The following C1GALT1 variants were observed in gnomAD, a reference collection of about 807,000 sequenced individuals.
C1GALT1 encodes glycoprotein-N-acetylgalactosamine 3-beta-galactosyltransferase 1.
In C1GALT1, 11 loss-of-function variants were observed where a neutral mutation model predicts 31.0. The observed-to-expected ratio is 0.36, with a 90% CI of 0.22 to 0.59. The LOEUF is 0.59. Ranked by LOEUF, C1GALT1 falls within the 20% of genes least tolerant of loss-of-function variation. The probability of loss-of-function intolerance (pLI) is 0.79; values close to 1 mark genes in which losing one functional copy is unlikely to be tolerated. For synonymous variants in C1GALT1, 175 were observed against 143.6 expected (o/e 1.22, Z -1.56); for missense variants, 424 against 425.2 (o/e 1.00, Z 0.03).
At chr7:7,234,628 G>C in intron 2 of C1GALT1, 89 bp downstream of exon 2, 2 of 893,360 alleles carry the variant, frequency 2.2e-6, no homozygotes, top group Non-Finnish European at 3.4e-6. Flanking sequence ...AATTAAAATG[G>C]GCTATATATT....
chr7:7,233,799 G>GT lies in C1GALT1; in HGVS notation c.-17-497dup, dbSNP rs760792626. Among the ~76,000 whole-genome samples, 15 of 152,188 alleles carry GT rather than the reference G, an allele frequency of 9.9e-5. No individual in the cohort carries two copies. In the South Asian group the frequency reaches 2.5e-3, roughly 25 times the overall value. ...CCCTAGTCCTCCACAAGCTACAAGT[G>GT]TTTTTTTACGTTTATAAAGGATTGT... On this transcript the variant is annotated intron_variant, in intron 1 of 3. Transcript: ENST00000436587.
intron 3 of C1GALT1, 137 bp downstream of exon 3, chr7:7,239,059 T>A: frequency 1.4e-6 from 1 of 693,050 alleles, no homozygotes; most frequent in Non-Finnish European, 2.4e-6. Context: ...AGAGTGGCAG[T>A]ATAACAAAAT....
Position 7,237,131 on chromosome 7 carries a change from T to C in C1GALT1, c.221-1124T>C, listed in dbSNP as rs1583833763. Among the ~76,000 whole-genome samples the C allele has an allele frequency of 2.0e-5, 3 of 152,206 alleles. No individual in the cohort carries two copies. In the South Asian group the frequency reaches 6.2e-4, roughly 32 times the overall value. On this transcript the variant is annotated intron_variant, in intron 2 of 3. Coordinates refer to ENST00000436587, the MANE Select transcript of C1GALT1 (RefSeq NM_020156.5). ...AAGCTAAAAATAAAAATTTAGGACT[T>C]GTTTTATATTTTAGTTTTATTTTTC...
chr7:7,234,505 A>G lies in C1GALT1; in HGVS notation c.186A>G (p.Gln62=). The G allele has an allele frequency of 6.2e-7, 1 of 1,612,720 alleles. No homozygotes were observed. Among genetic ancestry groups the G allele is most frequent in the Non-Finnish European group, 8.5e-7 (1 of 1,178,804 alleles). Residue 62 remains glutamine (Q), a synonymous_variant, in exon 2 of 4, where the codon CAA becomes CAG. Transcript: ENST00000436587. The part of the protein sequence containing the change: ...DDNGQNHLEG[Q]MNFNADSSQH... ...ATGGACAGAATCATCTAGAAGGACA[A>G]ATGAACTTCAATGCAGATTCTAGCC...
At chr7:7,186,192 T>C (rs1285405757) in intron 1 of C1GALT1, among the ~76,000 whole-genome samples, 3 of 152,126 alleles carry the variant, frequency 2.0e-5, no homozygotes, top group African/African-American at 7.2e-5. Context: ...TCCTTTCCCA[T>C]GATAACCCAT....
intron 2 of C1GALT1, among the ~76,000 whole-genome samples, chr7:7,171,858 ATAC>A (rs1196511166): frequency 8.5e-5 from 13 of 152,310 alleles, no homozygotes; most frequent in African/African-American, 3.1e-4. Flanking sequence ...TTTAAAAACT[ATAC>A]TACTATACAT....
intron 1 of C1GALT1, among the ~76,000 whole-genome samples, chr7:7,191,516 A>G (rs1467599765): frequency 6.6e-6 from 1 of 152,166 alleles, no homozygotes; most frequent in Non-Finnish European, 1.5e-5. Context: ...GCTGGATCAT[A>G]TGGTAATTCT....
intron 1 of C1GALT1, among the ~76,000 whole-genome samples, chr7:7,226,074 A>G (rs1382947370): frequency 6.6e-6 from 1 of 152,192 alleles, no homozygotes; most frequent in African/African-American, 2.4e-5. Context: ...GGATACTGCT[A>G]TCGAGTTTTC....
chr7:7,242,415 A>C (rs1783674141), intron 3 of C1GALT1, among the ~76,000 whole-genome samples: 1 of 152,076 alleles, frequency 6.6e-6, no homozygotes, highest in African/African-American at 2.4e-5. Flanking sequence ...GTTTAGAGAT[A>C]ACAGCAGAGA....
At chr7:7,212,315 A>G (rs1486919338) in intron 1 of C1GALT1, among the ~76,000 whole-genome samples, 1 of 152,072 alleles carries the variant, frequency 6.6e-6, no homozygotes, top group East Asian at 1.9e-4. Flanking sequence ...GGGGCTTTTT[A>G]TTGGCTCTGC....
intron 1 of C1GALT1, among the ~76,000 whole-genome samples, chr7:7,184,005 C>T (rs986459257): frequency 3.9e-5 from 6 of 152,104 alleles, no homozygotes; most frequent in African/African-American, 1.4e-4. Flanking sequence ...TTGCTTCATT[C>T]TGGTGTGAGT....
At chr7:7,212,370 A>T (rs978627489) in intron 1 of C1GALT1, among the ~76,000 whole-genome samples, 4 of 152,196 alleles carry the variant, frequency 2.6e-5, no homozygotes, top group South Asian at 2.1e-4. Context: ...CTTTCAGTCA[A>T]AGCCTTGGTA....
intron 1 of C1GALT1, among the ~76,000 whole-genome samples, chr7:7,221,998 A>G (rs1393917794): frequency 6.6e-6 from 1 of 152,162 alleles, no homozygotes; most frequent in Admixed American, 6.5e-5. Flanking sequence ...GACTGAGCTA[A>G]AATTACCCTC....
At chr7:7,176,142 C>T (rs2128227788) in intron 2 of C1GALT1, among the ~76,000 whole-genome samples, 1 of 152,170 alleles carries the variant, frequency 6.6e-6, no homozygotes, top group South Asian at 2.1e-4. Flanking sequence ...AAAGTATTTG[C>T]CCAAGTTCTG....
intron 1 of C1GALT1, among the ~76,000 whole-genome samples, chr7:7,183,121 C>T (rs537110068): frequency 6.6e-6 from 1 of 152,216 alleles, no homozygotes; most frequent in South Asian, 2.1e-4. Context: ...CCGCTCGCGC[C>T]CCTCTTCTGC....
chr7:7,222,528 C>G lies in C1GALT1; in HGVS notation c.-17-11775C>G, dbSNP rs140758700. ...GTTTTTATGTTTAATAGCTATTATA[C>G]AAAGTGTTATTTTTTCATTTTTTCT... On this transcript the variant is annotated intron_variant, in intron 1 of 3. Transcript: ENST00000436587. 1.0e-3 allele frequency among the ~76,000 whole-genome samples: 156 copies of G among 152,128 alleles called. 1 individual carries two copies. The highest frequency in any genetic ancestry group is 3.6e-3 in the African/African-American group (148 of 41,508).
intron 1 of C1GALT1, among the ~76,000 whole-genome samples, chr7:7,229,523 G>C (rs1220793836): frequency 6.6e-6 from 1 of 152,124 alleles, no homozygotes; most frequent in Admixed American, 6.6e-5. Context: ...CATGTATACT[G>C]CTAAAGGAAG....
At chr7:7,228,254 A>G (rs1782892996) in intron 1 of C1GALT1, among the ~76,000 whole-genome samples, 2 of 152,220 alleles carry the variant, frequency 1.3e-5, no homozygotes, top group South Asian at 2.1e-4. Context: ...TTAACAATGA[A>G]TAGCATAAAG....
intron 1 of C1GALT1, among the ~76,000 whole-genome samples, chr7:7,186,014 A>G (rs1780797507): frequency 6.6e-6 from 1 of 150,896 alleles, no homozygotes; most frequent in Non-Finnish European, 1.5e-5. Flanking sequence ...CCTTACAGTT[A>G]GGAAGGCTGA....
Sources: allele counts gnomAD v4.1 joint callset (sites outside exome capture counted in the v4.1 genomes callset), GRCh38; gene constraint gnomAD v4.1.1; transcripts MANE v1.5; gene names NCBI Gene and HGNC (gene_info 2026-07-23, HGNC 2026-07-21).